Variants in ANKRD17 observed in about 807,000 individuals in gnomAD.
ANKRD17 encodes the protein ankyrin repeat domain-containing protein 17.
Under a neutral mutation model 229.7 loss-of-function variants are expected in ANKRD17, and 19 were observed. The observed-to-expected ratio is 0.08, with a 90% CI of 0.06 to 0.12. ANKRD17 has a LOEUF of 0.12. Among genes scored for constraint, ANKRD17 ranks in the 10% least tolerant of loss-of-function variants. The pLI is 1.00. For synonymous variants in ANKRD17, 1,112 were observed against 1,146.1 expected (o/e 0.97, Z 0.60); for missense variants, 2,176 against 3,176.8 (o/e 0.68, Z 7.57).
chr4:73,143,555 C>G (rs895005571), intron 11 of ANKRD17, among the ~76,000 whole-genome samples: 1 of 152,094 alleles, frequency 6.6e-6, no homozygotes, highest in Non-Finnish European at 1.5e-5. Flanking sequence ...GTACATAATG[C>G]TATATATTCA....
At position 73,182,051 on chromosome 4, in the gene ANKRD17, C is replaced by CAA. The variant is rs143812968; in HGVS notation, c.394-4520_394-4519dup. Among the ~76,000 whole-genome samples, 47 of 43,256 alleles carry CAA rather than the reference C, an allele frequency of 1.1e-3. 2 individuals carry two copies. The highest frequency in any genetic ancestry group is 1.3e-3 in the Non-Finnish European group (37 of 27,444). The allele number at this position is 43,256 out of a possible 152,430, so 28.4% of individuals were successfully genotyped here. A position where few individuals can be genotyped will look rare whatever the true frequency, so the allele number is the denominator to read the frequency against. On this transcript the variant is annotated intron_variant, in intron 1 of 33. Coordinates refer to ENST00000358602, the MANE Select transcript of ANKRD17 (RefSeq NM_032217.5). Reference sequence around the variant, plus strand: ...CGACAGAGCAAGACTCCGTCCCCACCAAAAAAAAAAAAAAAAAAAAAAAAA... The same window carrying CAA: ...CGACAGAGCAAGACTCCGTCCCCACCAAAAAAAAAAAAAAAAAAAAAAAAAAA...
chr4:73,133,702 T>G (rs1304252511), intron 16 of ANKRD17, among the ~76,000 whole-genome samples: 1 of 151,192 alleles, frequency 6.6e-6, no homozygotes, highest in African/African-American at 2.4e-5. Flanking sequence ...CCATCTCGTA[T>G]TTTTTTTTAA....
intron 25 of ANKRD17, chr4:73,101,053 G>C: frequency 1.1e-6 from 1 of 892,968 alleles, no homozygotes; most frequent in Non-Finnish European, 1.3e-6. Context: ...TAGAGGTAAT[G>C]TAGAGATGAT....
rs769860924 is a variant in ANKRD17 at position 73,125,194 on chromosome 4, GC to G, written c.3346+6del. ...ATTCCAAAAAATAAAACAAAAGTAG[GC>G]CCTACCTTTCTTGTCTCGGTGCTCT... On this transcript the variant is annotated splice_donor_region_variant and intron_variant, in intron 17 of 33. Transcript: ENST00000358602. 4.7e-5 allele frequency: 75 copies of G among 1,596,156 alleles called. No individual in the cohort carries two copies. Among genetic ancestry groups the G allele is most frequent in the Non-Finnish European group, 6.3e-5 (74 of 1,174,704 alleles).
chr4:73,157,686 T>C (rs1731845424), intron 3 of ANKRD17, among the ~76,000 whole-genome samples: 1 of 152,204 alleles, frequency 6.6e-6, no homozygotes, highest in African/African-American at 2.4e-5. Context: ...ACCAACATCT[T>C]TGTCTCAGAT....
chr4:73,211,908 G>A (rs1216975953), intron 1 of ANKRD17, among the ~76,000 whole-genome samples: 2 of 148,850 alleles, frequency 1.3e-5, no homozygotes, highest in Non-Finnish European at 3.0e-5. Context: ...GGTCTTAAGA[G>A]AAACTATATG....
chr4:73,244,882 C>T (rs1207346714), intron 1 of ANKRD17, among the ~76,000 whole-genome samples: 1 of 152,108 alleles, frequency 6.6e-6, no homozygotes, highest in Non-Finnish European at 1.5e-5. Context: ...ATTGGAAGGG[C>T]ACATCATATG....
chr4:73,134,338 C>T (rs1728619652), intron 16 of ANKRD17, among the ~76,000 whole-genome samples: 1 of 151,772 alleles, frequency 6.6e-6, no homozygotes, highest in Admixed American at 6.6e-5. Flanking sequence ...ATGTACACAC[C>T]CCAGGTACCA....
intron 19 of ANKRD17, 72 bp downstream of exon 19, chr4:73,121,541 TAAAA>T: frequency 6.4e-7 from 1 of 1,567,248 alleles, no homozygotes. Context: ...AATTTGGCAC[TAAAA>T]AATAGGTGTT....
intron 2 of ANKRD17, among the ~76,000 whole-genome samples, chr4:73,161,945 T>C (rs1732578513): frequency 6.6e-6 from 1 of 152,022 alleles, no homozygotes; most frequent in African/African-American, 2.4e-5. Context: ...GGCATGATCA[T>C]AGCTCACTGC....
chr4:73,241,356 A>T (rs1207802964), intron 1 of ANKRD17, among the ~76,000 whole-genome samples: 2 of 152,210 alleles, frequency 1.3e-5, no homozygotes, highest in African/African-American at 2.4e-5. Context: ...AGATGGAAGC[A>T]ACCCAAACGG....
Position 73,141,773 on chromosome 4 carries a change from T to C in ANKRD17, c.2300A>G (p.Asn767Ser), listed in dbSNP as rs141165680. The C allele has an allele frequency of 1.1e-5, 17 of 1,613,854 alleles. No individual in the cohort carries two copies. The highest frequency in any genetic ancestry group is 4.0e-5 in the African/African-American group (3 of 74,874). ...CCTGATGGGAAGAGTGGTGGCAACA[T>C]TGGCAGGTGGTTTGTCAGGCTCCTG... ...PPQEPDKPPA[N>S]VATTLPIRNK... Residue 767 changes from asparagine to serine, a missense_variant, in exon 14 of 34, where the codon AAT becomes AGT. By Grantham distance (46) the Asn-to-Ser change is conservative. Around this residue, in one of 18 missense-constraint regions of ANKRD17, gnomAD observed 275 missense variants for 386.9 expected, o/e 0.71. Transcript: ENST00000358602.
chr4:73,144,437 A>G (rs1436313287), intron 11 of ANKRD17, among the ~76,000 whole-genome samples: 1 of 152,216 alleles, frequency 6.6e-6, no homozygotes, highest in African/African-American at 2.4e-5. Flanking sequence ...AGGTTTCAAG[A>G]AAGTGCTATA....
intron 16 of ANKRD17, among the ~76,000 whole-genome samples, chr4:73,133,154 G>A (rs1728442098): frequency 1.3e-5 from 2 of 151,926 alleles, no homozygotes; most frequent in South Asian, 4.2e-4. Flanking sequence ...GGAGGCTGAG[G>A]CAGGAGAATC....
At chr4:73,245,428 G>A (rs751024621) in intron 1 of ANKRD17, among the ~76,000 whole-genome samples, 4 of 152,132 alleles carry the variant, frequency 2.6e-5, no homozygotes, top group South Asian at 4.1e-4. Flanking sequence ...AGGTTCTTCC[G>A]AGCAAATGAG....
chr4:73,213,246 G>C (rs980353189), intron 1 of ANKRD17, among the ~76,000 whole-genome samples: 15 of 152,244 alleles, frequency 9.9e-5, no homozygotes, highest in Non-Finnish European at 2.1e-4. Context: ...TTCAAGGTTA[G>C]AACCAGGTAA....
chr4:73,176,193 T>A (rs185418379), intron 2 of ANKRD17, among the ~76,000 whole-genome samples: 19 of 152,180 alleles, frequency 1.2e-4, no homozygotes, highest in Admixed American at 5.2e-4. Flanking sequence ...CAAATACACA[T>A]ATGAAAAGGT....
intron 1 of ANKRD17, among the ~76,000 whole-genome samples, chr4:73,179,488 G>GTGTATATATATATA (rs1491132715): frequency 3.1e-4 from 15 of 48,214 alleles, no homozygotes; most frequent in African/African-American, 1.2e-3. Flanking sequence ...GTGTGTGTGT[G>GTGTATATATATATA]TATATATATA....
At chr4:73,097,038 G>T in intron 27 of ANKRD17, 79 bp downstream of exon 27, 12 of 1,478,400 alleles carry the variant, frequency 8.1e-6, no homozygotes, top group Non-Finnish European at 1.1e-5. Flanking sequence ...AGAAGAGTAG[G>T]AGGAATTTAA....
Sources: gnomAD v4.1 joint callset for allele counts (sites outside exome capture counted in the v4.1 genomes callset) on GRCh38, gnomAD v4.1.1 for gene constraint, gnomAD v4.1.1 regional missense constraint, MANE v1.5 for transcripts, NCBI Gene and HGNC (gene_info 2026-07-23, HGNC 2026-07-21) for gene names.